Variants in SDK1 observed in about 807,000 individuals in gnomAD.
The protein encoded by SDK1 is sidekick cell adhesion molecule 1.
In SDK1, 157 loss-of-function variants were observed where a neutral mutation model predicts 245.5. The ratio of observed to expected loss-of-function variants is 0.64; its 90% CI spans 0.56 to 0.73. The LOEUF is 0.73. Ranked by LOEUF, SDK1 falls within the 30% of genes least tolerant of loss-of-function variation. The pLI is 0.00. For synonymous variants in SDK1, 1,647 were observed against 1,278.5 expected (o/e 1.29, Z -6.15); for missense variants, 3,583 against 3,002.3 (o/e 1.19, Z -4.52).
intron 4 of SDK1, among the ~76,000 whole-genome samples, chr7:3,817,413 A>C (rs147938994): frequency 6.6e-6 from 1 of 152,306 alleles, no homozygotes; most frequent in Non-Finnish European, 1.5e-5. Flanking sequence ...GGGATTTCCA[A>C]TAGTTGCTGA....
At chr7:3,722,415 A>G (rs1778843814) in intron 4 of SDK1, among the ~76,000 whole-genome samples, 1 of 152,150 alleles carries the variant, frequency 6.6e-6, no homozygotes, top group Non-Finnish European at 1.5e-5. Context: ...CCCAGGGTAG[A>G]GAAGTACATT....
Position 4,267,703 on chromosome 7 carries a change from T to C in SDK1, c.*2319T>C, listed in dbSNP as rs977846111. ...GATGAGCAGATTCGAGATATGTTTG[T>C]TGCTCTCGGGTTTTCGATACAACAT... On this transcript the variant is annotated 3_prime_UTR_variant, in exon 45 of 45. Coordinates refer to ENST00000404826, the MANE Select transcript of SDK1 (RefSeq NM_152744.4). The C allele has an allele frequency of 2.0e-6, 2 of 985,508 alleles. No individual in the cohort carries two copies. The highest frequency in any genetic ancestry group is 1.7e-5 in the African/African-American group (1 of 57,378). 61.0% of individuals were successfully genotyped at this position (985,508 alleles called of 1,614,324 possible). A position where few individuals can be genotyped will look rare whatever the true frequency, so the allele number is the denominator to read the frequency against.
chr7:3,945,682 G>C (rs1186158641), intron 5 of SDK1, among the ~76,000 whole-genome samples: 1 of 151,930 alleles, frequency 6.6e-6, no homozygotes, highest in African/African-American at 2.4e-5. Context: ...GATCACAAAC[G>C]AGGTCAGGAG....
intron 1 of SDK1, among the ~76,000 whole-genome samples, chr7:3,378,713 G>A (rs111874113): frequency 6.6e-6 from 1 of 152,016 alleles, no homozygotes; most frequent in Non-Finnish European, 1.5e-5. Context: ...TCAGCGTTGC[G>A]TGAAGGTTCT....
At position 3,524,545 on chromosome 7, in the gene SDK1, C is replaced by T. The variant is rs140736127; in HGVS notation, c.299-94535C>T. On this transcript the variant is annotated intron_variant, in intron 1 of 44. Transcript: ENST00000404826. ...GTTATGGAGTGTGTGTGTGTATGTG[C>T]GCGCTCATGTACACTTGTACATGTA... Among the ~76,000 whole-genome samples, 74 of 152,122 alleles carry T rather than the reference C, an allele frequency of 4.9e-4. No homozygotes were observed. The East Asian group carries it at 7.5e-3, about 15-fold the overall frequency.
intron 22 of SDK1, among the ~76,000 whole-genome samples, chr7:4,095,946 T>C (rs960819130): frequency 3.2e-4 from 48 of 152,202 alleles, no homozygotes; most frequent in African/African-American, 1.2e-3. Flanking sequence ...TTTTCTTTAT[T>C]TCCATGTTTG....
chr7:4,014,197 C>A (rs1786210274), intron 16 of SDK1, among the ~76,000 whole-genome samples: 1 of 152,230 alleles, frequency 6.6e-6, no homozygotes, highest in Non-Finnish European at 1.5e-5. Flanking sequence ...AAAGTCATCC[C>A]ACAGAACCAG....
intron 4 of SDK1, 56 bp from the exon 5 acceptor site, chr7:3,821,394 C>A (rs1294235772): frequency 2.6e-6 from 4 of 1,562,964 alleles, no homozygotes; most frequent in Middle Eastern, 1.7e-4. Flanking sequence ...TTTTGTCTTA[C>A]AAGTAGGAAG....
chr7:3,973,639 T>C (rs565316897), intron 12 of SDK1, among the ~76,000 whole-genome samples: 7 of 152,214 alleles, frequency 4.6e-5, no homozygotes, highest in Middle Eastern at 3.4e-3. Context: ...TTGCCTCCTG[T>C]CCAGACAACA....
intron 2 of SDK1, among the ~76,000 whole-genome samples, chr7:3,625,667 T>C (rs192101405): frequency 4.2e-4 from 64 of 152,354 alleles, no homozygotes; most frequent in African/African-American, 1.5e-3. Context: ...GAGGAAATTA[T>C]TTATCAGCTC....
chr7:3,574,663 T>C (rs2128630615), intron 1 of SDK1, among the ~76,000 whole-genome samples: 1 of 152,228 alleles, frequency 6.6e-6, no homozygotes, highest in Admixed American at 6.5e-5. Context: ...GCATACATTT[T>C]ATGCAGCTAA....
chr7:3,665,890 C>G (rs1395058489), intron 4 of SDK1, among the ~76,000 whole-genome samples: 2 of 152,076 alleles, frequency 1.3e-5, no homozygotes, highest in African/African-American at 2.4e-5. Context: ...AAGATGTTTC[C>G]TCAGTTGGTT....
chr7:3,747,286 C>T (rs1779653128), intron 4 of SDK1, among the ~76,000 whole-genome samples: 1 of 152,118 alleles, frequency 6.6e-6, no homozygotes, highest in African/African-American at 2.4e-5. Context: ...TTTCTACTAC[C>T]CAATAGGCAA....
intron 1 of SDK1, among the ~76,000 whole-genome samples, chr7:3,520,217 G>A (rs757351626): frequency 2.0e-5 from 3 of 152,128 alleles, no homozygotes; most frequent in Non-Finnish European, 4.4e-5. Flanking sequence ...AAGTGACATG[G>A]TTTAAGGGTT....
chr7:4,162,353 G>A (rs1268962564), intron 32 of SDK1, among the ~76,000 whole-genome samples: 1 of 118,856 alleles, frequency 8.4e-6, no homozygotes, highest in Non-Finnish European at 1.8e-5. Flanking sequence ...TGGTGGTGGT[G>A]GTGGTTGTTG....
chr7:3,313,716 G>C (rs1021371590), intron 1 of SDK1, among the ~76,000 whole-genome samples: 3 of 152,146 alleles, frequency 2.0e-5, no homozygotes, highest in Non-Finnish European at 4.4e-5. Flanking sequence ...ATTTCATTTA[G>C]AAGGAATAAA....
At chr7:3,815,131 C>A (rs1265810551) in intron 4 of SDK1, among the ~76,000 whole-genome samples, 1 of 101,676 alleles carries the variant, frequency 9.8e-6, no homozygotes, top group Non-Finnish European at 1.9e-5. Flanking sequence ...ATTGCCCTGG[C>A]CAGAACTTCC....
At chr7:3,407,188 G>A (rs1036090856) in intron 1 of SDK1, among the ~76,000 whole-genome samples, 2 of 152,168 alleles carry the variant, frequency 1.3e-5, no homozygotes, top group African/African-American at 2.4e-5. Flanking sequence ...TTCCTGCTTC[G>A]TTCACAACCT....
At chr7:3,626,803 T>C (rs533694742) in intron 2 of SDK1, among the ~76,000 whole-genome samples, 3 of 152,312 alleles carry the variant, frequency 2.0e-5, no homozygotes, top group African/African-American at 7.2e-5. Context: ...GGTCCCTTTT[T>C]CTTCTATAGG....
Sources: allele counts gnomAD v4.1 joint callset (sites outside exome capture counted in the v4.1 genomes callset), GRCh38; gene constraint gnomAD v4.1.1; transcripts MANE v1.5; gene names NCBI Gene and HGNC (gene_info 2026-07-23, HGNC 2026-07-21).